ZC4H2: variants seen among roughly 807,000 people sequenced by gnomAD.
ZC4H2 encodes the protein zinc finger C4H2-type containing.
For synonymous variants in ZC4H2, 84 were observed against 66.3 expected (o/e 1.27, Z -1.30); for missense variants, 137 against 173.9 (o/e 0.79, Z 1.19).
Position 64,920,069 on chromosome X carries a change from C to A in ZC4H2, c.398+12G>T. 8.3e-7 allele frequency: 1 copy of A among 1,206,481 alleles called. No individual in the cohort carries two copies. The highest frequency in any genetic ancestry group is 1.8e-5 in the South Asian group (1 of 55,864). On this transcript the variant is annotated intron_variant, in intron 3 of 4. Transcript: ENST00000374839. Reference sequence around the variant, plus strand: ...GAGGGTATGTTGTAGGGACTGGGGGCAGGTAGCTTACTCCAAGGAAAGCTT... The same window carrying A: ...GAGGGTATGTTGTAGGGACTGGGGGAAGGTAGCTTACTCCAAGGAAAGCTT...
intron 1 of ZC4H2, among the ~76,000 whole-genome samples, chrX:65,004,500 A>G (rs1469338434): frequency 8.9e-6 from 1 of 112,224 alleles, no homozygotes; most frequent in African/African-American, 3.2e-5. Context: ...AACTCAATAG[A>G]TGCAGAAAAG....
At chrX:64,979,253 C>A (rs1490249963), upstream of ZC4H2, among the ~76,000 whole-genome samples, 1 of 111,733 alleles carries the variant, frequency 8.9e-6, no homozygotes, top group Non-Finnish European at 1.9e-5. Context: ...TACCATGGGG[C>A]CTGAATGCCT....
At chrX:65,028,725 T>A (rs915394343) in intron 1 of ZC4H2, among the ~76,000 whole-genome samples, 2 of 110,963 alleles carry the variant, frequency 1.8e-5, no homozygotes, top group East Asian at 5.7e-4. Context: ...AGAGACAGGG[T>A]TTCACCATGT....
chrX:64,918,231 C>T (rs1602378810), intron 4 of ZC4H2: 1 of 159,378 alleles, frequency 6.3e-6, no homozygotes, highest in East Asian at 1.6e-4. Flanking sequence ...CAAACATTTT[C>T]TGTAAAGGCC....
At chrX:64,986,739 G>A (rs1474950007) in intron 1 of ZC4H2, among the ~76,000 whole-genome samples, 8 of 110,522 alleles carry the variant, frequency 7.2e-5, no homozygotes, top group Non-Finnish European at 1.5e-4. Context: ...TGAGAGAAAA[G>A]CCAGTCTTCA....
chrX:64,990,059 T>A (rs924375391), intron 1 of ZC4H2, among the ~76,000 whole-genome samples: 2 of 112,211 alleles, frequency 1.8e-5, no homozygotes, highest in African/African-American at 3.2e-5. Context: ...AGTGAAAATT[T>A]ATGTTTACAA....
intron 1 of ZC4H2, among the ~76,000 whole-genome samples, chrX:64,948,947 T>C (rs1930666924): frequency 8.9e-6 from 1 of 111,906 alleles, no homozygotes; most frequent in Non-Finnish European, 1.9e-5. Context: ...TCTGTAAACA[T>C]ATTGACTAAA....
chrX:64,953,272 A>G (rs1802315405), intron 1 of ZC4H2, among the ~76,000 whole-genome samples: 1 of 112,268 alleles, frequency 8.9e-6, no homozygotes, highest in African/African-American at 3.2e-5. Context: ...CAAGGACTTC[A>G]TGTCTAAAAC....
chrX:65,030,994 C>G (rs1602464497), intron 1 of ZC4H2, among the ~76,000 whole-genome samples: 1 of 111,301 alleles, frequency 9.0e-6, no homozygotes, highest in South Asian at 3.8e-4. Context: ...TTACTCCCTC[C>G]CTTGTTGGAC....
At chrX:64,986,488 C>T (rs1042173841) in intron 1 of ZC4H2, among the ~76,000 whole-genome samples, 3 of 111,867 alleles carry the variant, frequency 2.7e-5, no homozygotes, top group Non-Finnish European at 5.6e-5. Context: ...AGCTGGACTA[C>T]GGTATATTAA....
chrX:64,992,133 A>G (rs993862366), intron 1 of ZC4H2, among the ~76,000 whole-genome samples: 2 of 112,047 alleles, frequency 1.8e-5, no homozygotes, highest in East Asian at 5.5e-4. Context: ...CACTTAAAAC[A>G]TAACTGTATA....
At chrX:64,986,921 C>CTTTTTTTT (rs1028871395) in intron 1 of ZC4H2, among the ~76,000 whole-genome samples, 3 of 79,594 alleles carry the variant, frequency 3.8e-5, no homozygotes, top group African/African-American at 1.0e-4. Flanking sequence ...CAAGATAATT[C>CTTTTTTTT]TTTTTTTTTT....
At chrX:65,022,770 C>A (rs775747659) in intron 1 of ZC4H2, among the ~76,000 whole-genome samples, 2 of 111,994 alleles carry the variant, frequency 1.8e-5, no homozygotes, top group South Asian at 7.4e-4. Context: ...AGGAGAACTA[C>A]AAACCACTGC....
rs746509107 is a variant in ZC4H2, at chrX:64,917,519, C to T, written c.*264G>A. 2.6e-5 allele frequency: 8 copies of T among 309,885 alleles called. No homozygotes were observed. The highest frequency in any genetic ancestry group is 3.9e-5 in the Non-Finnish European group (7 of 179,607). The allele number at this position is 309,885 out of a possible 1,213,427, so 25.5% of individuals were successfully genotyped here. A position where few individuals can be genotyped will look rare whatever the true frequency, so the allele number is the denominator to read the frequency against. On this transcript the variant is annotated 3_prime_UTR_variant, in exon 5 of 5. Transcript: ENST00000374839. The stretch of plus-strand genomic sequence containing the variant: ...GAGCCTTTTGCCCTTCCCTTAGCTC[C>T]AAACAAGGGCAGGGGTTGAAATGTG...
intron 1 of ZC4H2, among the ~76,000 whole-genome samples, chrX:64,942,980 T>A (rs1231225199): frequency 1.8e-5 from 2 of 112,308 alleles, no homozygotes; most frequent in African/African-American, 6.5e-5. Context: ...CCACATCCTC[T>A]ACTGCGTCTT....
chrX:64,934,050 C>T (rs1019914287), intron 1 of ZC4H2, among the ~76,000 whole-genome samples: 16 of 111,896 alleles, frequency 1.4e-4, no homozygotes, highest in Admixed American at 7.6e-4. Flanking sequence ...ACAGCCTCAA[C>T]CTTGTCCCAG....
chrX:65,033,811 G>C (rs1932968793), intron 1 of ZC4H2, among the ~76,000 whole-genome samples: 1 of 111,641 alleles, frequency 9.0e-6, no homozygotes, highest in African/African-American at 3.3e-5. Context: ...AGCTCAGGCC[G>C]GGCACGGTGG....
chrX:64,977,548 C>T (rs1046162657), upstream of ZC4H2, among the ~76,000 whole-genome samples: 4 of 111,873 alleles, frequency 3.6e-5, no homozygotes, highest in Admixed American at 9.4e-5. Flanking sequence ...CCCAAGCTGG[C>T]GTGTAATGGC....
chrX:65,005,488 C>T lies in ZC4H2; in HGVS notation c.-272+29141G>A, dbSNP rs191000584. 8.5e-4 allele frequency among the ~76,000 whole-genome samples: 89 copies of T among 105,261 alleles called. 1 individual carries two copies. The East Asian group carries it at 0.016, about 19-fold the overall frequency. 91.4% of individuals were successfully genotyped at this position (105,261 alleles called of 115,157 possible). A position where few individuals can be genotyped will look rare whatever the true frequency, so the allele number is the denominator to read the frequency against. On this transcript the variant is annotated intron_variant, in intron 1 of 4. Coordinates refer to the ZC4H2 transcript ENST00000337990. ...GCAAGCAAGCAATGGGAAAAGGATTCGAAATCTGGCTAGCCATATGCAGAA... is the reference window on the plus strand; with the variant it reads ...GCAAGCAAGCAATGGGAAAAGGATTTGAAATCTGGCTAGCCATATGCAGAA...
Sources: allele counts gnomAD v4.1 joint callset (sites outside exome capture counted in the v4.1 genomes callset), GRCh38; gene constraint gnomAD v4.1.1; transcripts MANE v1.5; gene names NCBI Gene and HGNC (gene_info 2026-07-23, HGNC 2026-07-21).